Variants in CTNNA3 observed in about 807,000 individuals in gnomAD.
CTNNA3 encodes the protein catenin alpha-3.
A neutral mutation model predicts 95.7 loss-of-function variants in CTNNA3; 76 were observed. That is an observed-to-expected ratio of 0.79 (90% CI 0.66 to 0.96). The LOEUF is 0.96. CTNNA3 is among the 40% of genes least tolerant of loss of function. CTNNA3 has a pLI of 0.00. For missense variants in CTNNA3, 1,191 were observed against 1,089.8 expected (o/e 1.09, Z -1.31); for synonymous variants, 431 against 374.4 (o/e 1.15, Z -1.74).
chr10:66,195,532 G>A (rs1038808936), intron 13 of CTNNA3, among the ~76,000 whole-genome samples: 7 of 152,200 alleles, frequency 4.6e-5, no homozygotes, highest in Non-Finnish European at 7.3e-5. Context: ...AGTTAGCAGT[G>A]TAGTGACATT....
At chr10:67,412,433 T>C (rs568066135) in intron 5 of CTNNA3, among the ~76,000 whole-genome samples, 30 of 152,134 alleles carry the variant, frequency 2.0e-4, no homozygotes, top group Non-Finnish European at 3.5e-4. Flanking sequence ...TAAAATACAT[T>C]TGAGGACACA....
At chr10:67,167,376 C>A (rs1861819606) in intron 7 of CTNNA3, among the ~76,000 whole-genome samples, 1 of 152,120 alleles carries the variant, frequency 6.6e-6, no homozygotes, top group African/African-American at 2.4e-5. Flanking sequence ...GTAGGCTGGG[C>A]TTCATACAGC....
chr10:66,574,213 G>T (rs1034551714), intron 10 of CTNNA3, among the ~76,000 whole-genome samples: 1 of 151,896 alleles, frequency 6.6e-6, no homozygotes, highest in Admixed American at 6.6e-5. Flanking sequence ...CTGATAATCC[G>T]GGGTGCAGTG....
intron 6 of CTNNA3, among the ~76,000 whole-genome samples, chr10:67,211,506 T>G (rs748699271): frequency 1.3e-5 from 2 of 152,178 alleles, no homozygotes; most frequent in Non-Finnish European, 2.9e-5. Context: ...ATTTATTAGA[T>G]GCATTAAAAC....
chr10:67,398,657 G>A lies in CTNNA3; in HGVS notation c.579+123185C>T, dbSNP rs183008170. 2.1e-3 allele frequency among the ~76,000 whole-genome samples: 324 copies of A among 152,220 alleles called. 2 individuals carry two copies. Among genetic ancestry groups the A allele is most frequent in the African/African-American group, 7.5e-3 (310 of 41,546 alleles). On this transcript the variant is annotated intron_variant, in intron 5 of 17. Coordinates refer to ENST00000433211, the MANE Select transcript of CTNNA3 (RefSeq NM_013266.4). ...GGGTGGAATGATATGGTTTGGCTGT[G>A]TCCCTACCCAAATCTTATCTTGAAT...
At chr10:67,262,013 T>C (rs1236213230) in intron 5 of CTNNA3, among the ~76,000 whole-genome samples, 1 of 152,194 alleles carries the variant, frequency 6.6e-6, no homozygotes, top group African/African-American at 2.4e-5. Flanking sequence ...TTAAATATAA[T>C]ACTCAATACA....
intron 3 of CTNNA3, among the ~76,000 whole-genome samples, chr10:67,555,289 A>T (rs574863339): frequency 1.3e-5 from 2 of 152,296 alleles, no homozygotes; most frequent in African/African-American, 4.8e-5. Flanking sequence ...AATTCTGTGA[A>T]GAAAGTCATT....
chr10:66,331,501 G>T (rs1031138364), intron 12 of CTNNA3, among the ~76,000 whole-genome samples: 5 of 150,678 alleles, frequency 3.3e-5, no homozygotes, highest in African/African-American at 1.2e-4. Context: ...CTACAGGCGC[G>T]CACCACCATG....
At chr10:66,052,424 C>T (rs890237580) in intron 15 of CTNNA3, among the ~76,000 whole-genome samples, 1 of 137,192 alleles carries the variant, frequency 7.3e-6, no homozygotes, top group African/African-American at 2.6e-5. Context: ...AGGAAAATAT[C>T]TGTACTCAAG....
At chr10:66,483,243 TTCAAC>T (rs1839604613) in intron 11 of CTNNA3, among the ~76,000 whole-genome samples, 4 of 152,338 alleles carry the variant, frequency 2.6e-5, no homozygotes, top group Middle Eastern at 3.4e-3. Flanking sequence ...AAGCAGTTTC[TTCAAC>T]TCAAGATTGT....
intron 9 of CTNNA3, among the ~76,000 whole-genome samples, chr10:66,724,434 A>G (rs1848721029): frequency 6.6e-6 from 1 of 152,190 alleles, no homozygotes; most frequent in African/African-American, 2.4e-5. Context: ...AATAAAGAGG[A>G]ACAGCAGGCT....
In CTNNA3 at chr10:66,672,340, T is replaced by TA. The variant is rs1489816474; in HGVS notation, c.1282-50557dup. 2.0e-5 allele frequency among the ~76,000 whole-genome samples: 3 copies of TA among 152,284 alleles called. No individual in the cohort carries two copies. The South Asian group carries it at 6.2e-4, about 32-fold the overall frequency. Reference sequence around the variant, plus strand: ...TTAAAATTATAAGATTTTCTGCTCTTACGGAGTTCACAGTCTTGCAAACAA... The same window carrying TA: ...TTAAAATTATAAGATTTTCTGCTCTTAACGGAGTTCACAGTCTTGCAAACAA... On this transcript the variant is annotated intron_variant, in intron 9 of 17. Coordinates refer to ENST00000433211, the MANE Select transcript of CTNNA3 (RefSeq NM_013266.4).
rs754792055 is a variant in CTNNA3 at position 66,280,471 on chromosome 10, C to G, written c.1883G>C (p.Arg628Pro). 1 of 1,601,188 alleles carries G rather than the reference C, an allele frequency of 6.2e-7. No homozygotes were observed. Among genetic ancestry groups the G allele is most frequent in the Non-Finnish European group, 8.5e-7 (1 of 1,175,112 alleles). ...CAATGGAAGGAAAAGCAAACTTACC[C>G]GAATCATCATGACTGAACATCTGAT... ...HDIRCSVMMI[R>P]TPEELEDVSD... The change falls in exon 13 of 18, where the codon CGG (arginine) becomes CCG (proline). Residue 628 changes from arginine (R) to proline (P), a missense_variant and splice_region_variant. Arg to Pro is a moderately radical substitution (Grantham distance 103). Coordinates refer to ENST00000433211, the MANE Select transcript of CTNNA3 (RefSeq NM_013266.4).
intron 9 of CTNNA3, among the ~76,000 whole-genome samples, chr10:66,702,279 G>C (rs1313874256): frequency 1.3e-5 from 2 of 151,790 alleles, no homozygotes; most frequent in African/African-American, 4.8e-5. Flanking sequence ...TTGATTAATA[G>C]GTTACTGTGT....
chr10:67,311,534 T>C (rs557215413), intron 5 of CTNNA3, among the ~76,000 whole-genome samples: 1 of 152,234 alleles, frequency 6.6e-6, no homozygotes, highest in Non-Finnish European at 1.5e-5. Context: ...AGAAATCTTA[T>C]ATTTCAATTA....
intron 11 of CTNNA3, among the ~76,000 whole-genome samples, chr10:66,476,372 ATAAAAT>A (rs538319455): frequency 8.1e-4 from 124 of 152,200 alleles, no homozygotes; most frequent in Non-Finnish European, 1.4e-3. Context: ...GAAACTGAAA[ATAAAAT>A]TAAAAAGTGA....
intron 14 of CTNNA3, among the ~76,000 whole-genome samples, chr10:66,080,679 G>C (rs1254398094): frequency 6.6e-6 from 1 of 152,134 alleles, no homozygotes; most frequent in Non-Finnish European, 1.5e-5. Context: ...ATTCAATACT[G>C]CTGCAATGGA....
chr10:66,476,563 T>G (rs1366757845), intron 11 of CTNNA3, among the ~76,000 whole-genome samples: 1 of 152,116 alleles, frequency 6.6e-6, no homozygotes, highest in Non-Finnish European at 1.5e-5. Flanking sequence ...CATTAGTGTT[T>G]ATTTTTGTTA....
At chr10:67,363,263 T>A (rs889703265) in intron 5 of CTNNA3, among the ~76,000 whole-genome samples, 2 of 151,684 alleles carry the variant, frequency 1.3e-5, no homozygotes, top group African/African-American at 4.8e-5. Flanking sequence ...AGAAAAAAAA[T>A]TTCTGAAACT....
Sources: allele counts gnomAD v4.1 joint callset (sites outside exome capture counted in the v4.1 genomes callset), GRCh38; gene constraint gnomAD v4.1.1; transcripts MANE v1.5; gene names NCBI Gene and HGNC (gene_info 2026-07-23, HGNC 2026-07-21).